Variants in TSPAN5 observed in about 807,000 individuals in gnomAD.
The protein encoded by TSPAN5 is tetraspanin 5.
In TSPAN5, 10 loss-of-function variants were observed where a neutral mutation model predicts 37.1. The ratio of observed to expected loss-of-function variants is 0.27; its 90% CI spans 0.17 to 0.46. The LOEUF is 0.46. TSPAN5 is among the 20% of genes least tolerant of loss of function. The probability of loss-of-function intolerance (pLI) is 1.00; values close to 1 mark genes in which losing one functional copy is unlikely to be tolerated. For synonymous variants in TSPAN5, 110 were observed against 118.9 expected (o/e 0.93, Z 0.48); for missense variants, 195 against 326.6 (o/e 0.60, Z 3.11).
chr4:98,620,192 G>A (rs1756450080), intron 1 of TSPAN5, among the ~76,000 whole-genome samples: 1 of 152,064 alleles, frequency 6.6e-6, no homozygotes, highest in African/African-American at 2.4e-5. Context: ...GGTCATAAGA[G>A]GCCATGCAGC....
rs570642856 is a variant in TSPAN5 at position 98,534,878 on chromosome 4, T to C, written c.82-27150A>G. ...GTTTGTTTGGTTTTGGCTTTCCATT[T>C]GCTTGGTAAATATTCCTCCATCCCT... On this transcript the variant is annotated intron_variant, in intron 1 of 7. Transcript: ENST00000305798. Among the ~76,000 whole-genome samples, 3 of 152,344 alleles carry C rather than the reference T, an allele frequency of 2.0e-5. No individual in the cohort carries two copies. The South Asian group carries it at 6.2e-4, about 32-fold the overall frequency.
chr4:98,549,501 A>G (rs1036580382), intron 1 of TSPAN5, among the ~76,000 whole-genome samples: 11 of 151,970 alleles, frequency 7.2e-5, no homozygotes, highest in Admixed American at 6.6e-4. Context: ...GGGTTTCACC[A>G]TATTGGCCAG....
At chr4:98,501,423 A>G (rs540415338) in intron 2 of TSPAN5, among the ~76,000 whole-genome samples, 1 of 152,212 alleles carries the variant, frequency 6.6e-6, no homozygotes, top group East Asian at 1.9e-4. Context: ...AATACTTGCT[A>G]TGTGCCATCT....
At chr4:98,643,942 G>A (rs1202260578) in intron 1 of TSPAN5, among the ~76,000 whole-genome samples, 3 of 152,180 alleles carry the variant, frequency 2.0e-5, no homozygotes, top group Admixed American at 6.5e-5. Flanking sequence ...CACCAATAAC[G>A]AAACAGGTGC....
At chr4:98,598,561 C>A (rs1755810058) in intron 1 of TSPAN5, among the ~76,000 whole-genome samples, 1 of 152,032 alleles carries the variant, frequency 6.6e-6, no homozygotes, top group Non-Finnish European at 1.5e-5. Context: ...ACCTCCCGGG[C>A]TCAAGCAATT....
At chr4:98,477,206 G>C (rs1378082061) in intron 5 of TSPAN5, among the ~76,000 whole-genome samples, 1 of 152,262 alleles carries the variant, frequency 6.6e-6, no homozygotes, top group Non-Finnish European at 1.5e-5. Context: ...CCGCTGGCCA[G>C]TGCAAGGCCA....
intron 1 of TSPAN5, among the ~76,000 whole-genome samples, chr4:98,623,255 G>T (rs1756522293): frequency 6.6e-6 from 1 of 152,196 alleles, no homozygotes; most frequent in Non-Finnish European, 1.5e-5. Flanking sequence ...TGCATGAAAA[G>T]AATCTGGTCA....
chr4:98,553,865 G>A (rs983406104), intron 1 of TSPAN5, among the ~76,000 whole-genome samples: 1 of 152,090 alleles, frequency 6.6e-6, no homozygotes. Context: ...TCAGAAGTTC[G>A]AGACCAGCCT....
At chr4:98,642,730 G>T (rs909283236) in intron 1 of TSPAN5, among the ~76,000 whole-genome samples, 8 of 151,980 alleles carry the variant, frequency 5.3e-5, no homozygotes, top group African/African-American at 1.2e-4. Flanking sequence ...ATGTATTGAT[G>T]ATCTTGATCC....
intron 1 of TSPAN5, among the ~76,000 whole-genome samples, chr4:98,537,574 C>T (rs1313611033): frequency 6.6e-6 from 1 of 152,226 alleles, no homozygotes; most frequent in Admixed American, 6.5e-5. Flanking sequence ...CCCCATTTTA[C>T]AGATGAGGAC....
intron 1 of TSPAN5, among the ~76,000 whole-genome samples, chr4:98,651,794 T>C (rs1052471709): frequency 6.6e-6 from 1 of 151,846 alleles, no homozygotes; most frequent in African/African-American, 2.4e-5. Context: ...AATGCTTCAC[T>C]GACTAGGAAG....
intron 1 of TSPAN5, among the ~76,000 whole-genome samples, chr4:98,564,692 A>T (rs1057029338): frequency 2.8e-5 from 4 of 143,562 alleles, no homozygotes; most frequent in Non-Finnish European, 6.1e-5. Flanking sequence ...GTGTTTCTAA[A>T]TTTTTTTTTT....
At chr4:98,615,234 G>A (rs76770449) in intron 1 of TSPAN5, among the ~76,000 whole-genome samples, 152 of 152,328 alleles carry the variant, frequency 1.0e-3, no homozygotes, top group African/African-American at 3.5e-3. Flanking sequence ...GGGACCAAGA[G>A]AGCCTAATGC....
intron 2 of TSPAN5, among the ~76,000 whole-genome samples, chr4:98,494,550 T>C (rs962079875): frequency 1.3e-5 from 2 of 151,970 alleles, no homozygotes; most frequent in Admixed American, 1.3e-4. Flanking sequence ...CTAAGGTTAT[T>C]ATGAGGATGA....
At chr4:98,541,694 A>AAGAG (rs1553912684) in intron 1 of TSPAN5, among the ~76,000 whole-genome samples, 3,450 of 94,692 alleles carry the variant, frequency 0.036, 270 homozygotes, top group Middle Eastern at 0.082. Context: ...AAAAAAAAAA[A>AAGAG]AGAGAGAGAG....
At chr4:98,500,105 TTCAATGTTAAGAA>T (rs1209834208) in intron 2 of TSPAN5, 8 of 152,148 alleles carry the variant, frequency 5.3e-5, no homozygotes, top group African/African-American at 1.9e-4. Context: ...TTAAAGAAGT[TTCAATGTTAAGAA>T]ATCTATTTTT....
intron 1 of TSPAN5, among the ~76,000 whole-genome samples, chr4:98,614,775 C>T (rs1756281646): frequency 6.6e-6 from 1 of 152,142 alleles, no homozygotes; most frequent in Non-Finnish European, 1.5e-5. Flanking sequence ...ATCTGGATGA[C>T]GAATGCCATC....
chr4:98,531,831 CAT>C (rs746637205), intron 1 of TSPAN5, among the ~76,000 whole-genome samples: 4 of 152,126 alleles, frequency 2.6e-5, no homozygotes, highest in Non-Finnish European at 4.4e-5. Context: ...AGCTTTTTTT[CAT>C]ATGTTTGTTG....
chr4:98,479,168 A>G (rs1752780659), intron 4 of TSPAN5, among the ~76,000 whole-genome samples: 1 of 152,194 alleles, frequency 6.6e-6, no homozygotes, highest in South Asian at 2.1e-4. Context: ...TAAATAAGAC[A>G]CTAACGACAG....
Sources: gnomAD v4.1 joint callset for allele counts (sites outside exome capture counted in the v4.1 genomes callset) on GRCh38, gnomAD v4.1.1 for gene constraint, MANE v1.5 for transcripts, NCBI Gene and HGNC (gene_info 2026-07-23, HGNC 2026-07-21) for gene names.